Variants in LARP4B observed in about 807,000 individuals in gnomAD.
LARP4B encodes La ribonucleoprotein 4B.
Under a neutral mutation model 89.8 loss-of-function variants are expected in LARP4B, and 12 were observed. The ratio of observed to expected loss-of-function variants is 0.13; its 90% CI spans 0.09 to 0.22. The LOEUF (loss-of-function observed/expected upper bound fraction) is 0.22. Among genes scored for constraint, LARP4B ranks in the 10% least tolerant of loss-of-function variants. The pLI is 1.00. For missense variants in LARP4B, 757 were observed against 947.7 expected (o/e 0.80, Z 2.64); for synonymous variants, 367 against 363.3 (o/e 1.01, Z -0.12).
At chr10:907,628 C>T (rs368867139) in intron 1 of LARP4B, among the ~76,000 whole-genome samples, 14 of 152,120 alleles carry the variant, frequency 9.2e-5, no homozygotes, top group Non-Finnish European at 1.3e-4. Context: ...GATGTGAGAT[C>T]GTGAAATATA....
intron 1 of LARP4B, among the ~76,000 whole-genome samples, chr10:914,008 A>T (rs1413529456): frequency 1.3e-5 from 2 of 152,216 alleles, no homozygotes; most frequent in Non-Finnish European, 2.9e-5. Context: ...CAAAAATTTA[A>T]TCTTAAAGCC....
intron 1 of LARP4B, among the ~76,000 whole-genome samples, chr10:931,189 C>T (rs557238299): frequency 6.7e-6 from 1 of 149,578 alleles, no homozygotes; most frequent in Admixed American, 6.6e-5. Context: ...TCCTCAGCCC[C>T]GGCTTTTTCC....
At chr10:938,883 T>C in the LARP4B span, among the ~76,000 whole-genome samples, 1 of 152,218 alleles carries the variant, frequency 6.6e-6, no homozygotes, top group Non-Finnish European at 1.5e-5. Context: ...GCCATGGTAT[T>C]ATGTTTAGGA....
chr10:846,517 G>C (rs1833784073), intron 5 of LARP4B, among the ~76,000 whole-genome samples: 1 of 152,158 alleles, frequency 6.6e-6, no homozygotes, highest in Non-Finnish European at 1.5e-5. Flanking sequence ...CTCTCAAGGG[G>C]TAGAGTCCAG....
chr10:932,434 AGAACTCC>A (rs1830673217), upstream of LARP4B, among the ~76,000 whole-genome samples: 1 of 11,608 alleles, frequency 8.6e-5, no homozygotes, highest in Non-Finnish European at 1.5e-4. Flanking sequence ...GGCCCTGCCC[AGAACTCC>A]CACCCCACAC....
chr10:960,669 CT>C, the LARP4B span, among the ~76,000 whole-genome samples: 2 of 133,904 alleles, frequency 1.5e-5, no homozygotes, highest in East Asian at 4.3e-4. Context: ...GATCATGCCA[CT>C]GCACTCCAGC....
the LARP4B span, among the ~76,000 whole-genome samples, chr10:965,439 C>A: frequency 8.0e-3 from 1,225 of 152,212 alleles, 21 homozygotes; most frequent in African/African-American, 0.028. Context: ...CCCGCTCCCC[C>A]CCGTTTCTCG....
chr10:950,765 A>G, the LARP4B span, among the ~76,000 whole-genome samples: 1 of 152,040 alleles, frequency 6.6e-6, no homozygotes, highest in African/African-American at 2.4e-5. Flanking sequence ...ATAATATTGT[A>G]TTATTCATTT....
rs560271969 is a variant in LARP4B, at chr10:855,057, C to T, written c.430+8686G>A. 2.0e-5 allele frequency among the ~76,000 whole-genome samples: 3 copies of T among 152,302 alleles called. No homozygotes were observed. In the East Asian group the frequency reaches 5.8e-4, roughly 29 times the overall value. On this transcript the variant is annotated intron_variant, in intron 5 of 17. Coordinates refer to ENST00000316157, the MANE Select transcript of LARP4B (RefSeq NM_015155.3). ...GCTTCAAACTTTTCTTCTGCAGCTT[C>T]CTCACCTCTCAGCCTTCACAGAACT...
At chr10:818,601 C>T (rs926300225) in intron 14 of LARP4B, 1 of 152,184 alleles carries the variant, frequency 6.6e-6, no homozygotes, top group Non-Finnish European at 1.5e-5. Flanking sequence ...GGCAGTAATA[C>T]CTTTTATTGG....
At chr10:947,545 T>A in the LARP4B span, among the ~76,000 whole-genome samples, 3 of 152,210 alleles carry the variant, frequency 2.0e-5, no homozygotes, top group East Asian at 5.8e-4. Flanking sequence ...CCGATTTTCT[T>A]GATTGACTGA....
chr10:978,751 G>C, the LARP4B span, among the ~76,000 whole-genome samples: 1 of 152,054 alleles, frequency 6.6e-6, no homozygotes, highest in Non-Finnish European at 1.5e-5. Context: ...CACTTTATTT[G>C]TTCCTCATTC....
rs377667511 is a variant in LARP4B, at chr10:885,334, C to CA, written c.81+306dup. Reference sequence around the variant, plus strand: ...CTGTCAACATCTGCATTAGACTTCGCAAAAAAAAAATACAGTTTTCCCTGT... The same window carrying CA: ...CTGTCAACATCTGCATTAGACTTCGCAAAAAAAAAAATACAGTTTTCCCTGT... On this transcript the variant is annotated intron_variant, in intron 2 of 17. Transcript: ENST00000316157. Among the ~76,000 whole-genome samples the CA allele has an allele frequency of 3.6e-3, 532 of 147,576 alleles. 3 individuals carry two copies. The highest frequency in any genetic ancestry group is 0.012 in the African/African-American group (475 of 40,342).
intron 3 of LARP4B, among the ~76,000 whole-genome samples, chr10:873,878 T>C (rs1195016787): frequency 6.6e-6 from 1 of 152,220 alleles, no homozygotes; most frequent in Non-Finnish European, 1.5e-5. Context: ...ATAGTAAATA[T>C]ATACACACAT....
chr10:982,852 G>C, the LARP4B span, among the ~76,000 whole-genome samples: 1 of 152,220 alleles, frequency 6.6e-6, no homozygotes, highest in South Asian at 2.1e-4. Flanking sequence ...AAAGGAAACA[G>C]GATAGGAGTT....
At chr10:904,518 G>A (rs1430682018) in intron 1 of LARP4B, among the ~76,000 whole-genome samples, 4 of 151,808 alleles carry the variant, frequency 2.6e-5, no homozygotes, top group Non-Finnish European at 5.9e-5. Flanking sequence ...CCGAGATCAT[G>A]CCACTGCACT....
Position 863,752 on chromosome 10 carries a change from T to A in LARP4B, c.421A>T (p.Ser141Cys). ...CATAAGATATGTTTACCTGTCTCGC[T>A]ATTTTCAGGCAGAGAGTCATATTCT... is the stretch of plus-strand genomic sequence containing the variant. Reference protein sequence around the residue: ...PSEYDSLPENSETGGNESQPD... With the variant: ...PSEYDSLPENCETGGNESQPD... Residue 141 changes from serine to cysteine, a missense_variant, in exon 5 of 18, where the codon AGC becomes TGC. Physicochemically the swap from Ser to Cys is moderately radical, Grantham distance 112. This residue lies in a region of LARP4B where 175 missense variants were observed against 187.0 expected (regional missense o/e 0.94). Transcript: ENST00000316157. The A allele has an allele frequency of 6.2e-7, 1 of 1,605,524 alleles. No homozygotes were observed. The highest frequency in any genetic ancestry group is 8.5e-7 in the Non-Finnish European group (1 of 1,176,818).
Position 812,948 on chromosome 10 carries a change from G to C in LARP4B, c.2195C>G (p.Thr732Ser). ...MGKRLSREQS[T>S]PPKSPQ Reference sequence around the variant, plus strand: ...TTTTCACTGAGGAGACTTGGGGGGAGTGCTCTGCTCTCGGCTGAGACGCTT... The same window carrying C: ...TTTTCACTGAGGAGACTTGGGGGGACTGCTCTGCTCTCGGCTGAGACGCTT... The change falls in exon 18 of 18, where the codon ACT (threonine) becomes AGT (serine). Residue 732 changes from threonine to serine, a missense_variant. By Grantham distance (58) the Thr-to-Ser change is moderately conservative. Transcript: ENST00000316157. 1 of 1,551,940 alleles carries C rather than the reference G, an allele frequency of 6.4e-7. No individual in the cohort carries two copies.
chr10:918,935 G>T (rs1836903026), intron 1 of LARP4B, among the ~76,000 whole-genome samples: 2 of 151,698 alleles, frequency 1.3e-5, no homozygotes, highest in South Asian at 2.1e-4. Flanking sequence ...AAAAAAATTA[G>T]CTGGGCGTGG....
Sources: allele counts gnomAD v4.1 joint callset (sites outside exome capture counted in the v4.1 genomes callset), GRCh38; gene constraint gnomAD v4.1.1; regional missense constraint gnomAD v4.1.1; transcripts MANE v1.5; gene names NCBI Gene and HGNC (gene_info 2026-07-23, HGNC 2026-07-21).